Variants in ADAMTSL3 observed in about 807,000 individuals in gnomAD.
The protein encoded by ADAMTSL3 is ADAMTS-like protein 3.
Under a neutral mutation model 201.7 loss-of-function variants are expected in ADAMTSL3, and 128 were observed. That is an observed-to-expected ratio of 0.63 (90% CI 0.55 to 0.73). The LOEUF is 0.73. Among genes scored for constraint, ADAMTSL3 ranks in the 30% least tolerant of loss-of-function variants. The pLI, the probability that ADAMTSL3 is intolerant of heterozygous loss-of-function variation, is 0.00. For missense variants in ADAMTSL3, 1,990 were observed against 2,119.6 expected (o/e 0.94, Z 1.20); for synonymous variants, 738 against 748.4 (o/e 0.99, Z 0.23).
chr15:83,740,274 C>A (rs1276086846), intron 3 of ADAMTSL3: 1 of 152,960 alleles, frequency 6.5e-6, no homozygotes, highest in African/African-American at 2.4e-5. Flanking sequence ...ACACAAAAAA[C>A]TCAGTAAATC....
intron 23 of ADAMTSL3, among the ~76,000 whole-genome samples, chr15:84,011,116 T>C (rs556162629): frequency 1.3e-5 from 2 of 152,206 alleles, no homozygotes; most frequent in Non-Finnish European, 2.9e-5. Flanking sequence ...TAAACATTTT[T>C]CAAGTGAATG....
intron 3 of ADAMTSL3, among the ~76,000 whole-genome samples, chr15:83,769,863 C>A (rs1358485323): frequency 2.6e-5 from 4 of 151,182 alleles, no homozygotes; most frequent in Non-Finnish European, 5.9e-5. Context: ...AGTTCAGTCA[C>A]ATGCTGCAGT....
intron 23 of ADAMTSL3, among the ~76,000 whole-genome samples, chr15:84,007,611 G>A (rs574596316): frequency 3.4e-5 from 5 of 148,348 alleles, no homozygotes; most frequent in African/African-American, 9.7e-5. Flanking sequence ...GTGTTTTGAG[G>A]TGGTTGGTGG....
At chr15:83,759,811 A>G (rs557700332) in intron 3 of ADAMTSL3, among the ~76,000 whole-genome samples, 2 of 152,316 alleles carry the variant, frequency 1.3e-5, no homozygotes, top group Admixed American at 1.3e-4. Context: ...ATTTTGAAAT[A>G]TATTAACATA....
At chr15:83,811,897 C>G (rs2063704525) in intron 5 of ADAMTSL3, among the ~76,000 whole-genome samples, 1 of 152,144 alleles carries the variant, frequency 6.6e-6, no homozygotes, top group South Asian at 2.1e-4. Flanking sequence ...CAGAGCATCC[C>G]TTTGTCTCCA....
At chr15:83,965,165 C>G (rs1002935185) in intron 19 of ADAMTSL3, among the ~76,000 whole-genome samples, 8 of 152,232 alleles carry the variant, frequency 5.3e-5, no homozygotes, top group African/African-American at 1.9e-4. Flanking sequence ...TAAATTCACA[C>G]ATAACAATGT....
intron 4 of ADAMTSL3, among the ~76,000 whole-genome samples, chr15:83,802,086 G>A (rs2063533581): frequency 6.6e-6 from 1 of 152,082 alleles, no homozygotes; most frequent in South Asian, 2.1e-4. Context: ...GGAAAAAGAA[G>A]TAACATCATA....
intron 19 of ADAMTSL3, among the ~76,000 whole-genome samples, chr15:83,959,727 T>G (rs2066926366): frequency 6.6e-6 from 1 of 152,214 alleles, no homozygotes; most frequent in African/African-American, 2.4e-5. Flanking sequence ...GAGGAAACCA[T>G]GACAAGCTTT....
chr15:83,994,903 TC>T (rs1365628011), intron 23 of ADAMTSL3, among the ~76,000 whole-genome samples: 1 of 151,720 alleles, frequency 6.6e-6, no homozygotes, highest in Non-Finnish European at 1.5e-5. Context: ...AGCCACGGCA[TC>T]CGGCCCTGGA....
At chr15:83,871,422 C>T (rs1022037009) in intron 9 of ADAMTSL3, among the ~76,000 whole-genome samples, 2 of 152,164 alleles carry the variant, frequency 1.3e-5, no homozygotes, top group Non-Finnish European at 2.9e-5. Context: ...TATCCTAAAC[C>T]AGTATTGTGC....
Position 83,970,597 on chromosome 15 carries a change from G to A in ADAMTSL3, c.2604G>A (p.Gly868=). 6.2e-7 allele frequency: 1 copy of A among 1,614,192 alleles called. No homozygotes were observed. Among genetic ancestry groups the A allele is most frequent in the South Asian group, 1.1e-5 (1 of 91,078 alleles). ...LSEMMCRDLP[G]LPLVRSCQMP... is the part of the protein sequence containing the mutation. Reference sequence around the variant, plus strand: ...AGATGATGTGCAGGGATCTACCAGGGCTCCCTCTTGTAAGATCTTGCCAGA... The same window carrying A: ...AGATGATGTGCAGGGATCTACCAGGACTCCCTCTTGTAAGATCTTGCCAGA... The change falls in exon 20 of 30, where the codon GGG becomes GGA. Residue 868 remains glycine, a synonymous_variant. Transcript: ENST00000286744.
At chr15:83,714,050 T>C (rs2061967127) in intron 3 of ADAMTSL3, among the ~76,000 whole-genome samples, 1 of 152,204 alleles carries the variant, frequency 6.6e-6, no homozygotes, top group Admixed American at 6.5e-5. Flanking sequence ...GCCAGGCAGA[T>C]AAATATCTTG....
intron 6 of ADAMTSL3, among the ~76,000 whole-genome samples, chr15:83,833,878 AGTTTT>A (rs1332225970): frequency 1.3e-5 from 2 of 152,192 alleles, no homozygotes; most frequent in Non-Finnish European, 2.9e-5. Flanking sequence ...ACATGTCGGA[AGTTTT>A]GTTTTGTTTT....
rs557501118 is a variant in ADAMTSL3, at chr15:83,655,770, C to T, written c.9C>T (p.Ser3=). The part of the protein sequence containing the change: MA[S]WTSPWWVLIG... ...GGAGGAGACTAGACCCCATGGCTTC[C>T]TGGACGAGCCCCTGGTGGGTGCTGA... Residue 3 remains serine (S), a synonymous_variant, in exon 2 of 30, where the codon TCC becomes TCT. Transcript: ENST00000286744. 1.2e-6 allele frequency: 2 copies of T among 1,614,146 alleles called. No individual in the cohort carries two copies. Among genetic ancestry groups the T allele is most frequent in the Non-Finnish European group, 8.5e-7 (1 of 1,180,004 alleles).
chr15:83,733,924 C>T (rs2062326486), intron 3 of ADAMTSL3, among the ~76,000 whole-genome samples: 1 of 152,134 alleles, frequency 6.6e-6, no homozygotes, highest in Non-Finnish European at 1.5e-5. Context: ...GGGACCCCTT[C>T]CCACTGGATA....
At chr15:84,005,836 G>A (rs926951105) in intron 23 of ADAMTSL3, among the ~76,000 whole-genome samples, 2 of 152,086 alleles carry the variant, frequency 1.3e-5, no homozygotes, top group Non-Finnish European at 1.5e-5. Context: ...AATTGATTGG[G>A]GAACAGATTA....
chr15:83,937,810 A>G (rs1009064216), intron 17 of ADAMTSL3, among the ~76,000 whole-genome samples: 2 of 151,062 alleles, frequency 1.3e-5, no homozygotes, highest in African/African-American at 5.0e-5. Flanking sequence ...GTATCACCTT[A>G]TATTAATCAG....
In ADAMTSL3 at chr15:83,907,505, C is replaced by T. The variant is rs188563047; in HGVS notation, c.1701-5587C>T. Among the ~76,000 whole-genome samples, 300 of 152,304 alleles carry T rather than the reference C, an allele frequency of 2.0e-3. 1 individual carries two copies. Among genetic ancestry groups the T allele is most frequent in the South Asian group, 0.01 (50 of 4,826 alleles). ...TTCAACACCACCTCCCGGCTTCAAG[C>T]AATTCTGCCTCAGCCTCCCTAGTAG... On this transcript the variant is annotated intron_variant, in intron 15 of 29. Transcript: ENST00000286744.
intron 19 of ADAMTSL3, among the ~76,000 whole-genome samples, chr15:83,953,655 TTGC>T (rs2066797956): frequency 6.6e-6 from 1 of 152,238 alleles, no homozygotes; most frequent in Admixed American, 6.5e-5. Context: ...TGATTTCTTC[TTGC>T]TTATTAATAT....
Sources: gnomAD v4.1 joint callset for allele counts (sites outside exome capture counted in the v4.1 genomes callset) on GRCh38, gnomAD v4.1.1 for gene constraint, MANE v1.5 for transcripts, NCBI Gene and HGNC (gene_info 2026-07-23, HGNC 2026-07-21) for gene names.